Variants in REEP3 observed in about 807,000 individuals in gnomAD.
REEP3 encodes the protein receptor expression-enhancing protein 3.
REEP3 carries 20 observed loss-of-function variants against 41.3 expected under a neutral mutation model. The ratio of observed to expected loss-of-function variants is 0.48; its 90% CI spans 0.34 to 0.70. The LOEUF is 0.70. REEP3 is among the 30% of genes least tolerant of loss of function. The pLI is 0.01. For missense variants in REEP3, 271 were observed against 308.8 expected, an observed-to-expected ratio of 0.88 and a Z score of 0.92; for synonymous variants, 104 against 101.8, an observed-to-expected ratio of 1.02 and a Z score of -0.13.
chr10:63,539,880 A>G (rs1955512977), intron 1 of REEP3, among the ~76,000 whole-genome samples: 1 of 152,188 alleles, frequency 6.6e-6, no homozygotes, highest in Non-Finnish European at 1.5e-5. Context: ...GAAAAACATT[A>G]CACTAGAGGA....
chr10:63,602,675 CTA>C (rs1339397078), intron 5 of REEP3, among the ~76,000 whole-genome samples: 4 of 152,116 alleles, frequency 2.6e-5, no homozygotes, highest in Admixed American at 2.6e-4. Flanking sequence ...CATATTGTGA[CTA>C]TTTTGTGCAG....
At chr10:63,584,077 C>T (rs1035417228) in intron 2 of REEP3, among the ~76,000 whole-genome samples, 1 of 152,168 alleles carries the variant, frequency 6.6e-6, no homozygotes, top group Middle Eastern at 3.2e-3. Flanking sequence ...GATTCAAGGG[C>T]ACTGGGGAAG....
At chr10:63,585,342 G>A (rs1162839791) in intron 2 of REEP3, among the ~76,000 whole-genome samples, 2 of 152,170 alleles carry the variant, frequency 1.3e-5, no homozygotes, top group Non-Finnish European at 2.9e-5. Context: ...GGTACACAGA[G>A]ATTATATATG....
At chr10:63,617,551 C>A (rs1166316928) in intron 6 of REEP3, among the ~76,000 whole-genome samples, 5 of 152,070 alleles carry the variant, frequency 3.3e-5, no homozygotes, top group African/African-American at 7.2e-5. Context: ...AGGTGCACAA[C>A]ACCATACCCG....
At position 63,619,744 on chromosome 10, in the gene REEP3, G is replaced by A; in HGVS notation, c.655G>A (p.Gly219Arg). 7 of 1,609,496 alleles carry A rather than the reference G, an allele frequency of 4.3e-6. No homozygotes were observed. Among genetic ancestry groups the A allele is most frequent in the Non-Finnish European group, 5.1e-6 (6 of 1,177,916 alleles). ...AGATAATGAGATGTTAACACACAAA[G>A]GGCTTCGAAGATCGCAAAGCATGAA... is the stretch of plus-strand genomic sequence containing the variant. ...YSDNEMLTHKGLRRSQSMKSV... is the reference protein window; with the variant it reads ...YSDNEMLTHKRLRRSQSMKSV... The change falls in exon 7 of 8, where the codon GGG (glycine) becomes AGG (arginine). Residue 219 changes from glycine to arginine, a missense_variant. Transcript: ENST00000373758.
chr10:63,562,608 C>G (rs1264819854), intron 1 of REEP3: 2 of 456,318 alleles, frequency 4.4e-6, no homozygotes, highest in East Asian at 1.4e-4. Flanking sequence ...GTATAAAATC[C>G]CCAGCAAGAG....
chr10:63,534,443 C>T (rs2133344012), intron 1 of REEP3, among the ~76,000 whole-genome samples: 1 of 152,158 alleles, frequency 6.6e-6, no homozygotes, highest in South Asian at 2.1e-4. Flanking sequence ...AGAGATAGGG[C>T]CTTGTTATGT....
intron 2 of REEP3, among the ~76,000 whole-genome samples, chr10:63,594,214 CA>C (rs747648640): frequency 7.6e-5 from 7 of 92,482 alleles, no homozygotes; most frequent in Admixed American, 1.2e-4. Flanking sequence ...CTCATCTCTA[CA>C]AAAAAAAAAA....
intron 1 of REEP3, among the ~76,000 whole-genome samples, chr10:63,562,405 G>A (rs1955749443): frequency 6.6e-6 from 1 of 152,034 alleles, no homozygotes; most frequent in African/African-American, 2.4e-5. Context: ...TTACAGGCAT[G>A]CATCACCATG....
intron 2 of REEP3, among the ~76,000 whole-genome samples, chr10:63,591,516 A>C (rs1956063752): frequency 6.6e-6 from 1 of 152,230 alleles, no homozygotes; most frequent in Admixed American, 6.5e-5. Context: ...ATTCACCAGG[A>C]AAATGCCTAG....
At chr10:63,611,262 GT>G (rs1197369289) in intron 6 of REEP3, among the ~76,000 whole-genome samples, 3 of 152,120 alleles carry the variant, frequency 2.0e-5, no homozygotes, top group Admixed American at 6.6e-5. Flanking sequence ...CATCTAAGAA[GT>G]TTTATAGTTG....
chr10:63,526,038 A>G (rs1955361429), intron 1 of REEP3, among the ~76,000 whole-genome samples: 1 of 152,226 alleles, frequency 6.6e-6, no homozygotes, highest in African/African-American at 2.4e-5. Context: ...CAGAAAAAGG[A>G]AAAACATGCT....
chr10:63,547,430 C>G (rs2133357405), intron 1 of REEP3, among the ~76,000 whole-genome samples: 1 of 152,084 alleles, frequency 6.6e-6, no homozygotes, highest in Admixed American at 6.5e-5. Flanking sequence ...TCAAAATATA[C>G]AAAGAAAAAT....
At chr10:63,545,903 A>G (rs1955574734) in intron 1 of REEP3, among the ~76,000 whole-genome samples, 3 of 152,140 alleles carry the variant, frequency 2.0e-5, no homozygotes, top group African/African-American at 7.2e-5. Context: ...GTCTCGGGGT[A>G]ACTTGCAATT....
chr10:63,584,681 G>A (rs1429501045), intron 2 of REEP3, among the ~76,000 whole-genome samples: 1 of 152,120 alleles, frequency 6.6e-6, no homozygotes, highest in African/African-American at 2.4e-5. Context: ...GGATAAGTTA[G>A]TGAATCGGGA....
chr10:63,624,117 TTTGA>T lies in REEP3; in HGVS notation c.*3251_*3254del, dbSNP rs1956377776. The T allele has an allele frequency of 6.6e-6, 1 of 152,152 alleles. No homozygotes were observed. The allele number at this position is 152,152 out of a possible 1,614,324, so 9.4% of individuals were successfully genotyped here. On this transcript the variant is annotated 3_prime_UTR_variant, in exon 8 of 8. Transcript: ENST00000373758. Reference sequence around the variant, plus strand: ...TTAATTGGGATGGACTAAATTTTCATTTGATTATCAGGAAAATTAAGGAGTTATA... The same window carrying T: ...TTAATTGGGATGGACTAAATTTTCATTTATCAGGAAAATTAAGGAGTTATA...
At chr10:63,525,079 G>C (rs573301897) in intron 1 of REEP3, among the ~76,000 whole-genome samples, 1 of 152,254 alleles carries the variant, frequency 6.6e-6, no homozygotes, top group African/African-American at 2.4e-5. Context: ...GTGGTGCTTG[G>C]CATTGAGTGT....
intron 2 of REEP3, among the ~76,000 whole-genome samples, chr10:63,577,567 G>A (rs1481387462): frequency 2.6e-5 from 4 of 151,998 alleles, no homozygotes; most frequent in Admixed American, 2.0e-4. Context: ...GCGACTACAG[G>A]CACATGGCAC....
At chr10:63,606,362 C>CG (rs150019126) in intron 5 of REEP3, among the ~76,000 whole-genome samples, 208 of 62,192 alleles carry the variant, frequency 3.3e-3, no homozygotes, top group African/African-American at 8.3e-3. Context: ...CTCTTTCTTT[C>CG]TTTGTCTTTC....
Sources: gnomAD v4.1 joint callset for allele counts (sites outside exome capture counted in the v4.1 genomes callset) on GRCh38, gnomAD v4.1.1 for gene constraint, MANE v1.5 for transcripts, NCBI Gene and HGNC (gene_info 2026-07-23, HGNC 2026-07-21) for gene names.